GALNTL6: variants seen among roughly 807,000 people sequenced by gnomAD.
GALNTL6 encodes polypeptide N-acetylgalactosaminyltransferase-like 6.
A neutral mutation model predicts 73.7 loss-of-function variants in GALNTL6; 46 were observed. That is an observed-to-expected ratio of 0.62 (90% CI 0.49 to 0.80). The LOEUF is 0.80. GALNTL6 is among the 30% of genes least tolerant of loss of function. The pLI is 0.00. For missense variants in GALNTL6, 604 were observed against 755.0 expected, an observed-to-expected ratio of 0.80 and a Z score of 2.34; for synonymous variants, 259 against 263.7, an observed-to-expected ratio of 0.98 and a Z score of 0.17.
intron 6 of GALNTL6, among the ~76,000 whole-genome samples, chr4:172,811,917 A>G (rs1741322642): frequency 6.6e-6 from 1 of 152,212 alleles, no homozygotes; most frequent in South Asian, 2.1e-4. Context: ...GTTATTCATC[A>G]TGGTATCCCC....
At chr4:172,286,942 A>G (rs1167127582) in intron 3 of GALNTL6, among the ~76,000 whole-genome samples, 1 of 152,200 alleles carries the variant, frequency 6.6e-6, no homozygotes, top group Non-Finnish European at 1.5e-5. Context: ...ACAGAAGCAG[A>G]CAACTCTAGA....
intron 5 of GALNTL6, among the ~76,000 whole-genome samples, chr4:172,437,154 A>G (rs566917340): frequency 5.3e-4 from 80 of 152,190 alleles, no homozygotes; most frequent in South Asian, 3.1e-3. Context: ...GACTTATATT[A>G]CCTATACTTA....
At chr4:172,898,883 C>G (rs1011809637) in intron 8 of GALNTL6, among the ~76,000 whole-genome samples, 1 of 152,170 alleles carries the variant, frequency 6.6e-6, no homozygotes, top group African/African-American at 2.4e-5. Context: ...GGTAGTTAAA[C>G]ATCAACCCCT....
intron 2 of GALNTL6, among the ~76,000 whole-genome samples, chr4:171,961,040 G>T (rs982986361): frequency 1.3e-5 from 2 of 152,032 alleles, no homozygotes; most frequent in Admixed American, 1.3e-4. Context: ...CACTCTTGAG[G>T]TCTGGGTTGG....
chr4:171,870,688 A>G (rs1056531713), intron 2 of GALNTL6, among the ~76,000 whole-genome samples: 1 of 152,124 alleles, frequency 6.6e-6, no homozygotes, highest in Non-Finnish European at 1.5e-5. Flanking sequence ...ATGAGGTCCT[A>G]TTGGAGTAAG....
chr4:172,786,112 G>C (rs576882877), intron 5 of GALNTL6, among the ~76,000 whole-genome samples: 1 of 151,402 alleles, frequency 6.6e-6, no homozygotes, highest in Admixed American at 6.6e-5. Context: ...ATAGGGCTAC[G>C]AGAGACACTA....
chr4:172,292,279 A>T (rs972707167), intron 3 of GALNTL6, among the ~76,000 whole-genome samples: 2 of 152,160 alleles, frequency 1.3e-5, no homozygotes, highest in Non-Finnish European at 2.9e-5. Flanking sequence ...TAGCATAAAA[A>T]AAAAACTTCC....
chr4:172,483,040 C>T (rs1451120015), intron 5 of GALNTL6, among the ~76,000 whole-genome samples: 1 of 151,922 alleles, frequency 6.6e-6, no homozygotes, highest in African/African-American at 2.4e-5. Flanking sequence ...AAGGAGAGGA[C>T]AATTGAAAAA....
intron 2 of GALNTL6, among the ~76,000 whole-genome samples, chr4:172,220,640 T>C (rs1026581341): frequency 6.6e-6 from 1 of 151,876 alleles, no homozygotes; most frequent in African/African-American, 2.4e-5. Context: ...AAAGATTGAA[T>C]GAGCTTAAAA....
At chr4:172,408,776 C>T (rs78314747) in intron 5 of GALNTL6, among the ~76,000 whole-genome samples, 2,994 of 152,056 alleles carry the variant, frequency 0.02, 88 homozygotes, top group African/African-American at 0.067. Context: ...ACCACTGCTC[C>T]GATGACTTGC....
chr4:172,285,342 G>A (rs1739209095), intron 3 of GALNTL6, among the ~76,000 whole-genome samples: 1 of 152,088 alleles, frequency 6.6e-6, no homozygotes, highest in Non-Finnish European at 1.5e-5. Flanking sequence ...TGATATGCAG[G>A]AGATGTATAT....
intron 10 of GALNTL6, among the ~76,000 whole-genome samples, chr4:173,008,438 C>T (rs1203466461): frequency 6.6e-6 from 1 of 152,190 alleles, no homozygotes; most frequent in African/African-American, 2.4e-5. Context: ...TTTAACCATC[C>T]CATGTTCTTT....
intron 5 of GALNTL6, among the ~76,000 whole-genome samples, chr4:172,362,349 T>G (rs1448808298): frequency 6.6e-6 from 1 of 150,730 alleles, no homozygotes; most frequent in Admixed American, 6.7e-5. Flanking sequence ...AATTTATAAG[T>G]GTATTTGTTC....
At chr4:172,579,534 T>C (rs1409419572) in intron 5 of GALNTL6, among the ~76,000 whole-genome samples, 1 of 152,186 alleles carries the variant, frequency 6.6e-6, no homozygotes, top group Non-Finnish European at 1.5e-5. Flanking sequence ...TAGAGAGCAA[T>C]GTTCCTCGAA....
intron 5 of GALNTL6, among the ~76,000 whole-genome samples, chr4:172,793,797 T>C (rs1300095864): frequency 6.6e-6 from 1 of 152,240 alleles, no homozygotes; most frequent in African/African-American, 2.4e-5. Context: ...TGGCATGTTT[T>C]AGACATATGA....
intron 5 of GALNTL6, among the ~76,000 whole-genome samples, chr4:172,517,330 C>T (rs944831451): frequency 1.3e-5 from 2 of 151,938 alleles, no homozygotes; most frequent in African/African-American, 4.8e-5. Context: ...CTGGATACAT[C>T]ACAAGAGCAA....
intron 2 of GALNTL6, among the ~76,000 whole-genome samples, chr4:171,942,435 C>T (rs967627274): frequency 7.2e-5 from 11 of 151,950 alleles, no homozygotes; most frequent in African/African-American, 1.9e-4. Context: ...ACAAAAAGCA[C>T]TTTCCATGAT....
chr4:172,378,064 C>T (rs982521644), intron 5 of GALNTL6, among the ~76,000 whole-genome samples: 4 of 152,146 alleles, frequency 2.6e-5, no homozygotes, highest in African/African-American at 4.8e-5. Flanking sequence ...GCACCAAGAG[C>T]GAGTGAGGGC....
intron 5 of GALNTL6, among the ~76,000 whole-genome samples, chr4:172,396,506 A>G (rs959182349): frequency 6.6e-6 from 1 of 152,110 alleles, no homozygotes; most frequent in East Asian, 1.9e-4. Flanking sequence ...GTGCAAGCCA[A>G]GTGAGGGGTT....
Sources: gnomAD v4.1 joint callset for allele counts (sites outside exome capture counted in the v4.1 genomes callset) on GRCh38, gnomAD v4.1.1 for gene constraint, MANE v1.5 for transcripts, NCBI Gene and HGNC (gene_info 2026-07-23, HGNC 2026-07-21) for gene names.